Variants in IKZF3 observed in about 807,000 individuals in gnomAD.
IKZF3 encodes zinc finger protein Aiolos.
In IKZF3, 10 loss-of-function variants were observed where a neutral mutation model predicts 49.0. The observed-to-expected ratio is 0.20, with a 90% CI of 0.13 to 0.35. The LOEUF is 0.35. IKZF3 is among the 10% of genes least tolerant of loss of function. The probability of loss-of-function intolerance (pLI) is 1.00; values close to 1 mark genes in which losing one functional copy is unlikely to be tolerated. For missense variants in IKZF3, 498 were observed against 664.8 expected, an observed-to-expected ratio of 0.75 and a Z score of 2.76; for synonymous variants, 209 against 228.2, an observed-to-expected ratio of 0.92 and a Z score of 0.76.
At chr17:39,785,766 T>C (rs1423315698) in intron 6 of IKZF3, among the ~76,000 whole-genome samples, 1 of 152,130 alleles carries the variant, frequency 6.6e-6, no homozygotes, top group Non-Finnish European at 1.5e-5. Flanking sequence ...GAAATATAGC[T>C]AATCAAGCCA....
chr17:39,856,136 T>C (rs1052878494), intron 1 of IKZF3, among the ~76,000 whole-genome samples: 1 of 151,908 alleles, frequency 6.6e-6, no homozygotes, highest in African/African-American at 2.4e-5. Flanking sequence ...ATAATAACTC[T>C]TTTAAATGCT....
At chr17:39,837,933 C>A in intron 1 of IKZF3, among the ~76,000 whole-genome samples, 1 of 152,158 alleles carries the variant, frequency 6.6e-6, no homozygotes, top group East Asian at 1.9e-4. Flanking sequence ...TGAGCCACCA[C>A]GCCTGGCCTG....
At chr17:39,797,063 G>A (rs528782211) in intron 3 of IKZF3, among the ~76,000 whole-genome samples, 3 of 151,678 alleles carry the variant, frequency 2.0e-5, no homozygotes, top group Non-Finnish European at 2.9e-5. Context: ...TACTCAAGAG[G>A]CTGAGGCAGG....
intron 5 of IKZF3, 33 bp from the exon 6 acceptor site, chr17:39,788,407 C>G (rs1323011960): frequency 7.0e-7 from 1 of 1,430,342 alleles, no homozygotes. Context: ...ACTCAGTGAC[C>G]CTCAGGGGTT....
chr17:39,827,385 C>G lies in IKZF3; in HGVS notation c.163+2002G>C, dbSNP rs148422208. On this transcript the variant is annotated intron_variant, in intron 3 of 7. Transcript: ENST00000346872. ...CACAGCTCACTGCAGCCTCAACCTC[C>G]CAGGCTCAAGTGATCCTCCAGCCTT... 4.2e-3 allele frequency among the ~76,000 whole-genome samples: 634 copies of G among 152,222 alleles called. 6 individuals are homozygous for G. The highest frequency in any genetic ancestry group is 0.015 in the African/African-American group (624 of 41,530).
chr17:39,850,738 CTATA>C (rs2062830001), intron 1 of IKZF3, among the ~76,000 whole-genome samples: 2 of 31,768 alleles, frequency 6.3e-5, no homozygotes, highest in Non-Finnish European at 1.2e-4. Flanking sequence ...ATATAATAGG[CTATA>C]TAGTATATAT....
chr17:39,853,586 A>G (rs957752411), intron 1 of IKZF3, among the ~76,000 whole-genome samples: 1 of 152,222 alleles, frequency 6.6e-6, no homozygotes, highest in African/African-American at 2.4e-5. Context: ...CTGTAATTCC[A>G]GCACTTTGGG....
Position 39,807,197 on chromosome 17 carries a change from T to C in IKZF3, c.164-14264A>G, listed in dbSNP as rs142249476. On this transcript the variant is annotated intron_variant, in intron 3 of 7. Transcript: ENST00000346872. ...TTGTCACACAGCAATCAATAACTAATATAGGGGTAGTTTCTTATAAAATTA... is the reference window on the plus strand; with the variant it reads ...TTGTCACACAGCAATCAATAACTAACATAGGGGTAGTTTCTTATAAAATTA... 4.2e-3 allele frequency among the ~76,000 whole-genome samples: 642 copies of C among 152,246 alleles called. 4 individuals carry two copies. The highest frequency in any genetic ancestry group is 0.014 in the African/African-American group (599 of 41,514).
intron 3 of IKZF3, among the ~76,000 whole-genome samples, chr17:39,824,673 G>A (rs143268732): frequency 3.3e-5 from 5 of 151,300 alleles, no homozygotes; most frequent in Non-Finnish European, 7.4e-5. Context: ...TAGTGAGTGA[G>A]TTCTCATAAG....
intron 7 of IKZF3, among the ~76,000 whole-genome samples, chr17:39,774,365 G>A (rs144578981): frequency 3.3e-5 from 5 of 152,152 alleles, no homozygotes; most frequent in African/African-American, 1.2e-4. Context: ...GAGAAGAGGA[G>A]AAGAGAAGGG....
At chr17:39,820,073 C>A (rs1490456874) in intron 3 of IKZF3, among the ~76,000 whole-genome samples, 2 of 152,156 alleles carry the variant, frequency 1.3e-5, no homozygotes, top group Non-Finnish European at 2.9e-5. Context: ...TTATTGCACA[C>A]CTACCACAGT....
chr17:39,839,857 G>T (rs1404545096), intron 1 of IKZF3, among the ~76,000 whole-genome samples: 3 of 151,668 alleles, frequency 2.0e-5, no homozygotes, highest in Non-Finnish European at 4.4e-5. Flanking sequence ...TGGGGGTCTC[G>T]CCATGTTGCC....
At chr17:39,786,494 T>C (rs1261433778) in intron 6 of IKZF3, among the ~76,000 whole-genome samples, 1 of 152,228 alleles carries the variant, frequency 6.6e-6, no homozygotes, top group Non-Finnish European at 1.5e-5. Flanking sequence ...ATTCCGTCCT[T>C]GAGCGAGTAC....
At chr17:39,855,557 A>G (rs993810218) in intron 1 of IKZF3, among the ~76,000 whole-genome samples, 2 of 152,208 alleles carry the variant, frequency 1.3e-5, no homozygotes, top group African/African-American at 4.8e-5. Context: ...TCCTTTGAGA[A>G]TCTCCAAATT....
chr17:39,821,601 T>A (rs1011139232), intron 3 of IKZF3, among the ~76,000 whole-genome samples: 1 of 152,222 alleles, frequency 6.6e-6, no homozygotes, highest in Non-Finnish European at 1.5e-5. Context: ...GTTATTGTTA[T>A]CTGCAACAGC....
Position 39,788,353 on chromosome 17 carries a change from T to A in IKZF3, c.614A>T (p.Glu205Val). 6.2e-7 allele frequency: 1 copy of A among 1,613,330 alleles called. No individual in the cohort carries two copies. The change falls in exon 6 of 8, where the codon GAG becomes GTG. Residue 205 changes from glutamate (E) to valine (V), a missense_variant. Transcript: ENST00000346872. ...CTGCTTGTAACTCCTTCCACAAAACTCACATTTGTAGGGTTTCTCCACTAG... is the reference window on the plus strand; with the variant it reads ...CTGCTTGTAACTCCTTCCACAAAACACACATTTGTAGGGTTTCTCCACTAG... ...THSVEKPYKC[E>V]FCGRSYKQRS...
At chr17:39,850,191 T>A (rs1302971201) in intron 1 of IKZF3, among the ~76,000 whole-genome samples, 1 of 137,970 alleles carries the variant, frequency 7.2e-6, no homozygotes, top group Non-Finnish European at 1.5e-5. Flanking sequence ...TAGCATATTA[T>A]GTATGTATAT....
chr17:39,830,304 T>C (rs2062075328), intron 2 of IKZF3, among the ~76,000 whole-genome samples: 1 of 152,242 alleles, frequency 6.6e-6, no homozygotes, highest in Non-Finnish European at 1.5e-5. Flanking sequence ...CAAGTTTCTT[T>C]ATTTGTTTGA....
chr17:39,861,850 G>A lies in IKZF3; in HGVS notation c.7+2270C>T, dbSNP rs548376545. Among the ~76,000 whole-genome samples, 9 of 152,260 alleles carry A rather than the reference G, an allele frequency of 5.9e-5. No individual in the cohort carries two copies. The South Asian group carries it at 1.0e-3, about 18-fold the overall frequency. On this transcript the variant is annotated intron_variant, in intron 1 of 7. Coordinates refer to ENST00000346872, the MANE Select transcript of IKZF3 (RefSeq NM_012481.5). ...GTGAGAACAGTAACTCAGAGTTGCCGAGATAAACTTATCTCTTATGTACCT... is the reference window on the plus strand; with the variant it reads ...GTGAGAACAGTAACTCAGAGTTGCCAAGATAAACTTATCTCTTATGTACCT...
Sources: gnomAD v4.1 joint callset for allele counts (sites outside exome capture counted in the v4.1 genomes callset) on GRCh38, gnomAD v4.1.1 for gene constraint, MANE v1.5 for transcripts, NCBI Gene and HGNC (gene_info 2026-07-23, HGNC 2026-07-21) for gene names.